SLC25A40: variants seen among roughly 807,000 people sequenced by gnomAD.
SLC25A40 encodes the protein mitochondrial glutathione transporter SLC25A40.
A neutral mutation model predicts 46.5 loss-of-function variants in SLC25A40; 41 were observed. The ratio of observed to expected loss-of-function variants is 0.88; its 90% CI spans 0.69 to 1.14. The LOEUF is 1.14. Ranked by LOEUF, SLC25A40 falls within the 50% of genes most tolerant of loss-of-function variation. SLC25A40 has a pLI of 0.00. For missense variants in SLC25A40, 386 were observed against 393.6 expected, an observed-to-expected ratio of 0.98 and a Z score of 0.16; for synonymous variants, 126 against 127.5, an observed-to-expected ratio of 0.99 and a Z score of 0.08.
Position 87,841,159 on chromosome 7 carries a change from G to GTATA in SLC25A40, c.823+470_823+473dup, listed in dbSNP as rs376277104. 1.9e-3 allele frequency among the ~76,000 whole-genome samples: 264 copies of GTATA among 137,718 alleles called. 2 individuals are homozygous for GTATA. The highest frequency in any genetic ancestry group is 7.3e-3 in the Middle Eastern group (2 of 274). The allele number at this position is 137,718 out of a possible 152,430, so 90.3% of individuals were successfully genotyped here. On this transcript the variant is annotated intron_variant, in intron 10 of 11. Transcript: ENST00000341119. ...TGTGTGTGTGTGTGTGTGTGTGTGTGTATATATATATATATATACATATAT... is the reference window on the plus strand; with the variant it reads ...TGTGTGTGTGTGTGTGTGTGTGTGTGTATATATATATATATATATATACATATAT...
chr7:87,844,043 T>C, intron 8 of SLC25A40, 180 bp from the exon 9 acceptor site: 1 of 966,454 alleles, frequency 1.0e-6, no homozygotes. Context: ...CTCAGTAATA[T>C]TCTAGTAGTC....
chr7:87,854,831 A>AT (rs1838580987), intron 4 of SLC25A40, among the ~76,000 whole-genome samples: 1 of 148,066 alleles, frequency 6.8e-6, no homozygotes, highest in Non-Finnish European at 1.5e-5. Flanking sequence ...AAAAAAAAAA[A>AT]GTAACTGTAA....
Position 87,834,130 on chromosome 7 carries a change from G to C in SLC25A40, c.*2119C>G, listed in dbSNP as rs1584319311. 1.3e-5 allele frequency: 2 copies of C among 151,870 alleles called. No individual in the cohort carries two copies. Among genetic ancestry groups the C allele is most frequent in the East Asian group, 3.9e-4 (2 of 5,180 alleles). The allele number at this position is 151,870 out of a possible 1,614,324, so 9.4% of individuals were successfully genotyped here. A position where few individuals can be genotyped will look rare whatever the true frequency, so the allele number is the denominator to read the frequency against. On this transcript the variant is annotated 3_prime_UTR_variant, in exon 12 of 12. Transcript: ENST00000341119. ...GTTGTGGCACATGTTTGCAAATATTGCAATTCCTGCAACATCATATGTATT... is the reference window on the plus strand; with the variant it reads ...GTTGTGGCACATGTTTGCAAATATTCCAATTCCTGCAACATCATATGTATT...
At chr7:87,867,895 C>T (rs1436313476) in intron 1 of SLC25A40, among the ~76,000 whole-genome samples, 2 of 152,222 alleles carry the variant, frequency 1.3e-5, no homozygotes, top group African/African-American at 4.8e-5. Context: ...GAGAATGTAT[C>T]ACAGCAGTGT....
At chr7:87,841,579 G>C in intron 10 of SLC25A40, 54 bp downstream of exon 10, 1 of 1,069,426 alleles carries the variant, frequency 9.4e-7, no homozygotes, top group South Asian at 1.8e-5. Context: ...TACAATATCT[G>C]TAAGGAAAAA....
intron 5 of SLC25A40, among the ~76,000 whole-genome samples, chr7:87,851,926 C>A (rs1838518542): frequency 6.6e-6 from 1 of 152,078 alleles, no homozygotes; most frequent in Non-Finnish European, 1.5e-5. Context: ...GAAAACACAA[C>A]AAAGAGAAAA....
intron 1 of SLC25A40, among the ~76,000 whole-genome samples, chr7:87,868,556 C>T (rs1004191418): frequency 2.0e-5 from 3 of 152,140 alleles, no homozygotes; most frequent in Non-Finnish European, 4.4e-5. Context: ...TCCCACAACT[C>T]CCTCTTTGGG....
In SLC25A40 at chr7:87,858,750, A is replaced by C; in HGVS notation, c.-23T>G. ...CATATTTTTAACTAATTAAATAAAA[A>C]CCTGTTAAAAAGAAAACATAAAATT... is the stretch of plus-strand genomic sequence containing the variant. On this transcript the variant is annotated splice_region_variant and 5_prime_UTR_variant, in exon 3 of 12. Transcript: ENST00000341119. The C allele has an allele frequency of 1.3e-6, 2 of 1,520,472 alleles. No homozygotes were observed. The highest frequency in any genetic ancestry group is 1.8e-6 in the Non-Finnish European group (2 of 1,096,816). The allele number at this position is 1,520,472 out of a possible 1,614,324, so 94.2% of individuals were successfully genotyped here.
intron 3 of SLC25A40, among the ~76,000 whole-genome samples, chr7:87,856,971 T>C (rs1193110078): frequency 6.6e-6 from 1 of 152,202 alleles, no homozygotes; most frequent in Admixed American, 6.5e-5. Flanking sequence ...ATGATCTCTA[T>C]GACCTTTATA....
intron 10 of SLC25A40, among the ~76,000 whole-genome samples, chr7:87,838,848 G>A (rs1037750213): frequency 6.6e-6 from 1 of 151,554 alleles, no homozygotes; most frequent in African/African-American, 2.4e-5. Flanking sequence ...TGTGCTTTCA[G>A]AATTATCTAG....
intron 8 of SLC25A40, 48 bp from the exon 9 acceptor site, chr7:87,843,911 G>A: frequency 1.4e-6 from 2 of 1,475,118 alleles, no homozygotes; most frequent in South Asian, 1.2e-5. Context: ...AATAAAATGT[G>A]GACTTTAATA....
intron 1 of SLC25A40, among the ~76,000 whole-genome samples, chr7:87,863,298 A>G (rs118124038): frequency 6.6e-6 from 1 of 152,094 alleles, no homozygotes; most frequent in African/African-American, 2.4e-5. Context: ...GTGAGAGGTA[A>G]TTTAATCATG....
intron 1 of SLC25A40, among the ~76,000 whole-genome samples, chr7:87,864,565 T>C (rs369526695): frequency 6.6e-6 from 1 of 152,266 alleles, no homozygotes; most frequent in South Asian, 2.1e-4. Context: ...TATCATTTTA[T>C]AGTGACTTTG....
chr7:87,875,167 A>G (rs1288404518), intron 1 of SLC25A40, among the ~76,000 whole-genome samples: 1 of 152,216 alleles, frequency 6.6e-6, no homozygotes, highest in Admixed American at 6.5e-5. Context: ...GAAATATTTT[A>G]TTGGAGAGAT....
chr7:87,854,372 T>C, intron 4 of SLC25A40, 62 bp from the exon 5 acceptor site: 1 of 957,282 alleles, frequency 1.0e-6, no homozygotes, highest in Admixed American at 2.4e-5. Flanking sequence ...TTTTTACAGA[T>C]GAACAAATTG....
chr7:87,838,514 T>C (rs1838287908), intron 10 of SLC25A40, among the ~76,000 whole-genome samples: 1 of 151,538 alleles, frequency 6.6e-6, no homozygotes, highest in African/African-American at 2.4e-5. Flanking sequence ...TATTATTAAA[T>C]ACTTCAAGCA....
intron 5 of SLC25A40, among the ~76,000 whole-genome samples, chr7:87,851,249 G>A (rs1234011747): frequency 1.3e-5 from 2 of 152,118 alleles, no homozygotes; most frequent in African/African-American, 4.8e-5. Flanking sequence ...GGCAATAAAA[G>A]AAATAAAATA....
At chr7:87,866,645 G>A (rs1031149081) in intron 1 of SLC25A40, among the ~76,000 whole-genome samples, 10 of 152,166 alleles carry the variant, frequency 6.6e-5, no homozygotes, top group African/African-American at 2.4e-4. Flanking sequence ...GAGCATAACC[G>A]CTCAGCGGCA....
rs1021091982 is a variant in SLC25A40, at chr7:87,854,262, C to T, written c.206G>A (p.Cys69Tyr). The T allele has an allele frequency of 9.9e-6, 16 of 1,613,386 alleles. No homozygotes were observed. Among genetic ancestry groups the T allele is most frequent in the African/African-American group, 2.7e-5 (2 of 74,894 alleles). The change falls in exon 5 of 12, where the codon TGT becomes TAT. Residue 69 changes from cysteine to tyrosine, a missense_variant. By Grantham distance (194) the Cys-to-Tyr change is radical. Coordinates refer to ENST00000341119, the MANE Select transcript of SLC25A40 (RefSeq NM_018843.4). The part of the protein sequence containing the change: ...SNGLMDHLCV[C>Y]EEGGNKLWYK... ...CCATAGTTTGTTGCCTCCCTCTTCA[C>T]AGACACATAGATGATCCATGAGTCC...
Sources: allele counts gnomAD v4.1 joint callset (sites outside exome capture counted in the v4.1 genomes callset), GRCh38; gene constraint gnomAD v4.1.1; transcripts MANE v1.5; gene names NCBI Gene and HGNC (gene_info 2026-07-23, HGNC 2026-07-21).